The following RPS6KA4 variants were observed in gnomAD, a reference collection of about 807,000 sequenced individuals.
RPS6KA4 encodes ribosomal protein S6 kinase A4.
RPS6KA4 carries 38 observed loss-of-function variants against 89.6 expected under a neutral mutation model. The ratio of observed to expected loss-of-function variants is 0.42; its 90% confidence interval spans 0.33 to 0.56. RPS6KA4 has a LOEUF of 0.56. RPS6KA4 is among the 20% of genes least tolerant of loss of function. The pLI is 0.07. For missense variants in RPS6KA4, 873 were observed against 1,098.8 expected, an observed-to-expected ratio of 0.79 and a Z score of 2.90; for synonymous variants, 495 against 492.8, an observed-to-expected ratio of 1.00 and a Z score of -0.06.
chr11:64,360,096 C>A, intron 2 of RPS6KA4, 67 bp from the exon 3 acceptor site: 1 of 1,445,380 alleles, frequency 6.9e-7, no homozygotes, highest in South Asian at 1.3e-5. Context: ...GGCATCGCCC[C>A]CACCCCCCAA....
At position 64,370,163 on chromosome 11, in the gene RPS6KA4, G is replaced by T; in HGVS notation, c.1798-62G>T. ...GGGGAGGGTGAGTGGTTCTGTGGGA[G>T]CGGAGGGGTCAGCCTCGGCACCCCA... On this transcript the variant is annotated intron_variant, in intron 14 of 16. Transcript: ENST00000334205. The surrounding 1 kb of genome is among the most constrained non-coding windows in gnomAD (Gnocchi z 4.1). The T allele has an allele frequency of 6.7e-7, 1 of 1,494,156 alleles. No homozygotes were observed. 92.6% of individuals were successfully genotyped at this position (1,494,156 alleles called of 1,614,324 possible).
chr11:64,360,709 G>A, intron 4 of RPS6KA4, 117 bp downstream of exon 4: 1 of 877,408 alleles, frequency 1.1e-6, no homozygotes, highest in East Asian at 2.7e-5. Flanking sequence ...GGCCAGTGGT[G>A]AGCTGGGTGG....
intron 10 of RPS6KA4, 30 bp downstream of exon 10, chr11:64,368,290 A>G (rs2036940462): frequency 3.7e-6 from 6 of 1,609,710 alleles, no homozygotes; most frequent in African/African-American, 1.3e-5. Context: ...GTTGGGGGGA[A>G]ATTGGTTTTA....
In RPS6KA4 at chr11:64,369,699, A is replaced by G. The variant is rs2037003093; in HGVS notation, c.1603A>G (p.Asn535Asp). The part of the protein sequence containing the change: ...GVVHRDLKPE[N>D]ILYADDTPGA... ...GACCACTACCCCGCCGCCCTCGCAG[A>G]ACATCCTGTACGCCGACGACACGCC... The change falls in exon 14 of 17, where the codon AAC becomes GAC. Residue 535 changes from asparagine (N) to aspartate (D), a missense_variant and splice_region_variant. By Grantham distance (23) the Asn-to-Asp change is conservative. Transcript: ENST00000334205. 1 of 1,605,648 alleles carries G rather than the reference A, an allele frequency of 6.2e-7. No individual in the cohort carries two copies. The highest frequency in any genetic ancestry group is 8.5e-7 in the Non-Finnish European group (1 of 1,175,016).
At chr11:64,368,111 C>A in intron 9 of RPS6KA4, 21 bp from the exon 10 acceptor site, 1 of 1,612,080 alleles carries the variant, frequency 6.2e-7, no homozygotes, top group Non-Finnish European at 8.5e-7. Flanking sequence ...CATGCCCATT[C>A]CCCGGACTCC....
At chr11:64,359,473 A>T (rs555072004) in intron 2 of RPS6KA4, 24 bp downstream of exon 2, 22 of 1,611,506 alleles carry the variant, frequency 1.4e-5, no homozygotes, top group Non-Finnish European at 1.7e-5. Context: ...TCCACCGGGC[A>T]GGCGTCCCAG....
At chr11:64,362,432 C>T (rs1342373179) in intron 8 of RPS6KA4, among the ~76,000 whole-genome samples, 2 of 152,244 alleles carry the variant, frequency 1.3e-5, no homozygotes, top group African/African-American at 4.8e-5. Context: ...GTCCCCGTCC[C>T]TGTACAGTCT....
chr11:64,368,414 C>T, intron 10 of RPS6KA4, 54 bp from the exon 11 acceptor site: 2 of 1,541,586 alleles, frequency 1.3e-6, no homozygotes, highest in Non-Finnish European at 8.7e-7. Flanking sequence ...GCGGGGCTAC[C>T]AGGTGGGACC....
At position 64,360,185 on chromosome 11, in the gene RPS6KA4, G is replaced by A. The variant is rs1226955633; in HGVS notation, c.150G>A (p.Val50=). The A allele has an allele frequency of 1.9e-6, 3 of 1,547,748 alleles. No homozygotes were observed. In the South Asian group the frequency reaches 3.6e-5, roughly 18 times the overall value. The change falls in exon 3 of 17, where the codon GTG becomes GTA. Residue 50 remains valine, a synonymous_variant. Coordinates refer to ENST00000334205, the MANE Select transcript of RPS6KA4 (RefSeq NM_003942.3). ...CAGCCTACGGCAAGGTGTTCCTGGT[G>A]CGGAAGGCGGGCGGGCACGACGCGG... ...GTGAYGKVFL[V]RKAGGHDAGK...
chr11:64,367,654 C>T (rs2036919361), intron 9 of RPS6KA4, among the ~76,000 whole-genome samples: 1 of 152,182 alleles, frequency 6.6e-6, no homozygotes. Flanking sequence ...CTCAAATTGC[C>T]AGGACATGGA....
Position 64,361,874 on chromosome 11 carries a change from C to T in RPS6KA4, c.778C>T (p.Pro260Ser), listed in dbSNP as rs780738455. ...CAGACGGATCCTGAAGTGCTCCCCT[C>T]CCTTCCCCCCTCGGATCGGGCCCGT... ...VSRRILKCSPPFPPRIGPVAQ... is the reference protein window; with the variant it reads ...VSRRILKCSPSFPPRIGPVAQ... Residue 260 changes from proline (P) to serine (S), a missense_variant, in exon 8 of 17, where the codon CCC (proline) becomes TCC (serine). Transcript: ENST00000334205. The surrounding 1 kb of genome is among the most constrained non-coding windows in gnomAD (Gnocchi z 4.7). 1.2e-6 allele frequency: 2 copies of T among 1,612,778 alleles called. No homozygotes were observed. Among genetic ancestry groups the T allele is most frequent in the Non-Finnish European group, 1.7e-6 (2 of 1,179,856 alleles).
In RPS6KA4 at chr11:64,369,725, CG is replaced by C; in HGVS notation, c.1633del (p.Ala545ProfsTer3). 1 of 1,610,792 alleles carries C rather than the reference CG, an allele frequency of 6.2e-7. No homozygotes were observed. The highest frequency in any genetic ancestry group is 1.1e-5 in the South Asian group (1 of 90,926). ...ENILYADDTP[G>X]APVKIIDFGF... is the part of the protein sequence containing the mutation. ...ACATCCTGTACGCCGACGACACGCC[CG>C]GGGCCCCGGTGAAAATCATCGACTT... On this transcript the variant is annotated frameshift_variant, in exon 14 of 17. Transcript: ENST00000334205. LOFTEE classifies it high-confidence loss of function.
chr11:64,366,104 T>C (rs888350315), intron 9 of RPS6KA4, among the ~76,000 whole-genome samples: 1 of 152,074 alleles, frequency 6.6e-6, no homozygotes, highest in East Asian at 1.9e-4. Flanking sequence ...CATGTTGATA[T>C]TGTGGCTTTG....
Position 64,359,456 on chromosome 11 carries a change from AC to A in RPS6KA4, c.127+12del. On this transcript the variant is annotated splice_region_variant and intron_variant, in intron 2 of 16. Transcript: ENST00000334205. ...AAGGTGCTGGGCACGGGAGGTGAGG[AC>A]CCCCATCCACCGGGCAGGCGTCCCA... is the stretch of plus-strand genomic sequence containing the variant. 6.2e-7 allele frequency: 1 copy of A among 1,612,722 alleles called. No individual in the cohort carries two copies. Among genetic ancestry groups the A allele is most frequent in the Non-Finnish European group, 8.5e-7 (1 of 1,179,508 alleles).
Position 64,369,463 on chromosome 11 carries a change from C to T in RPS6KA4, c.1446C>T (p.Val482=), listed in dbSNP as rs1160746896. ...GCCCGCAGCTGCACACGTACCTGGT[C>T]CTGGAGCTGCTGCGGGGCGGGGAGC... The part of the protein sequence containing the change: ...VHHDQLHTYL[V]LELLRGGELL... The change falls in exon 13 of 17, where the codon GTC becomes GTT. Residue 482 remains valine, a synonymous_variant. Transcript: ENST00000334205. 6 of 1,607,218 alleles carry T rather than the reference C, an allele frequency of 3.7e-6. No individual in the cohort carries two copies. Among genetic ancestry groups the T allele is most frequent in the Non-Finnish European group, 5.1e-6 (6 of 1,178,452 alleles).
Position 64,361,057 on chromosome 11 carries a change from C to T in RPS6KA4, c.463-77C>T. On this transcript the variant is annotated intron_variant, in intron 4 of 16. Coordinates refer to ENST00000334205, the MANE Select transcript of RPS6KA4 (RefSeq NM_003942.3). This position sits in a 1 kb window ranked among gnomAD's most constrained non-coding sequence, Gnocchi z 4.7. ...ACTTTCTCTGGGGGGTCTCCTTATC[C>T]TGAGCAGGGCCAGGAGCTGGAGGAG... 1 of 1,293,724 alleles carries T rather than the reference C, an allele frequency of 7.7e-7. No homozygotes were observed. 80.1% of individuals were successfully genotyped at this position (1,293,724 alleles called of 1,614,324 possible). A position where few individuals can be genotyped will look rare whatever the true frequency, so the allele number is the denominator to read the frequency against.
At chr11:64,363,997 A>C (rs1037816137) in intron 8 of RPS6KA4, among the ~76,000 whole-genome samples, 1 of 152,158 alleles carries the variant, frequency 6.6e-6, no homozygotes, top group Admixed American at 6.6e-5. Context: ...TTTACTTATA[A>C]GTAAACCTTT....
At position 64,361,106 on chromosome 11, in the gene RPS6KA4, G is replaced by A. The variant is rs1448360084; in HGVS notation, c.463-28G>A. ...AGCTGGGGAGGGTTTCGGGGAGGAA[G>A]CCTCAGCACCCCTCTTGCTCCTACC... On this transcript the variant is annotated intron_variant, in intron 4 of 16. Transcript: ENST00000334205. This position sits in a 1 kb window ranked among gnomAD's most constrained non-coding sequence, Gnocchi z 4.7. 2.5e-6 allele frequency: 4 copies of A among 1,595,560 alleles called. No homozygotes were observed. Among genetic ancestry groups the A allele is most frequent in the Admixed American group, 1.7e-5 (1 of 59,574 alleles).
At chr11:64,362,046 GT>G (rs1565068969) in intron 8 of RPS6KA4, 44 bp downstream of exon 8, 3 of 1,567,262 alleles carry the variant, frequency 1.9e-6, no homozygotes, top group Admixed American at 2.1e-5. Context: ...GCATACCCAG[GT>G]GGGGCTGCTG....
Sources: allele counts gnomAD v4.1 joint callset (sites outside exome capture counted in the v4.1 genomes callset), GRCh38; gene constraint gnomAD v4.1.1; non-coding constraint Gnocchi (gnomAD v3.1); transcripts MANE v1.5; gene names NCBI Gene and HGNC (gene_info 2026-07-23, HGNC 2026-07-21).